Variants in PPP1R1C observed in about 807,000 individuals in gnomAD.
PPP1R1C encodes the protein protein phosphatase 1 regulatory inhibitor subunit 1C.
In PPP1R1C, 15 loss-of-function variants were observed where a neutral mutation model predicts 17.4. The ratio of observed to expected loss-of-function variants is 0.86; its 90% CI spans 0.58 to 1.33. The LOEUF (loss-of-function observed/expected upper bound fraction) is 1.33, where lower values mean the gene tolerates loss of function less well. PPP1R1C is among the 40% of genes most tolerant of loss of function. The pLI, the probability that PPP1R1C is intolerant of heterozygous loss-of-function variation, is 0.00. For synonymous variants in PPP1R1C, 35 were observed against 43.1 expected (o/e 0.81, Z 0.73); for missense variants, 143 against 130.0 (o/e 1.10, Z -0.48).
At chr2:181,972,224 A>G (rs1331664189) in intron 1 of PPP1R1C, among the ~76,000 whole-genome samples, 1 of 152,234 alleles carries the variant, frequency 6.6e-6, no homozygotes, top group Non-Finnish European at 1.5e-5. Flanking sequence ...AGTCATTTTT[A>G]GATATTCGAA....
At chr2:181,973,045 A>G (rs956662575) in intron 1 of PPP1R1C, among the ~76,000 whole-genome samples, 2 of 152,168 alleles carry the variant, frequency 1.3e-5, no homozygotes, top group Admixed American at 6.5e-5. Flanking sequence ...ACAGATGTAT[A>G]ACAGTTCAAA....
chr2:181,996,010 A>T (rs1445806737), intron 2 of PPP1R1C, among the ~76,000 whole-genome samples: 1 of 152,168 alleles, frequency 6.6e-6, no homozygotes, highest in Admixed American at 6.5e-5. Flanking sequence ...TACTTGGAGA[A>T]CACAAGCTCC....
At chr2:182,030,794 G>C (rs1389402509) in intron 2 of PPP1R1C, 7 of 158,660 alleles carry the variant, frequency 4.4e-5, no homozygotes. Flanking sequence ...GGGCAATGGC[G>C]GGTGCCCCTC....
At chr2:182,033,472 CTTCCT>C (rs1686906825) in intron 2 of PPP1R1C, among the ~76,000 whole-genome samples, 2 of 152,152 alleles carry the variant, frequency 1.3e-5, no homozygotes, top group Non-Finnish European at 2.9e-5. Flanking sequence ...GAATTTATGA[CTTCCT>C]TTAACTTTCC....
At chr2:181,982,258 A>G (rs912627702), upstream of PPP1R1C, among the ~76,000 whole-genome samples, 2 of 152,346 alleles carry the variant, frequency 1.3e-5, no homozygotes, top group Non-Finnish European at 2.9e-5. Context: ...AAACAGTCAT[A>G]AGAACTATGT....
chr2:182,001,190 A>C (rs1038885515), intron 2 of PPP1R1C, among the ~76,000 whole-genome samples: 5 of 152,208 alleles, frequency 3.3e-5, no homozygotes, highest in African/African-American at 4.8e-5. Context: ...AATGAATTTT[A>C]GTAGTAGAAG....
intron 2 of PPP1R1C, among the ~76,000 whole-genome samples, chr2:182,060,279 GT>G (rs953619110): frequency 6.4e-4 from 98 of 152,172 alleles, no homozygotes; most frequent in African/African-American, 2.2e-3. Context: ...TGTTTAGCCA[GT>G]TTGTTCTCTT....
chr2:182,112,886 A>C (rs1245212625), intron 4 of PPP1R1C, among the ~76,000 whole-genome samples: 1 of 152,188 alleles, frequency 6.6e-6, no homozygotes, highest in Non-Finnish European at 1.5e-5. Flanking sequence ...AAATAAAATA[A>C]ATCTATTTAC....
chr2:182,080,351 C>A (rs994859909), intron 4 of PPP1R1C, among the ~76,000 whole-genome samples: 1 of 152,198 alleles, frequency 6.6e-6, no homozygotes, highest in East Asian at 1.9e-4. Flanking sequence ...CACTATCCCC[C>A]ATTTGCTCAG....
intron 2 of PPP1R1C, among the ~76,000 whole-genome samples, chr2:182,014,600 C>G (rs1686202297): frequency 6.6e-6 from 1 of 151,292 alleles, no homozygotes; most frequent in Non-Finnish European, 1.5e-5. Flanking sequence ...AGTGGCGAAT[C>G]CAGCCAGGCT....
chr2:181,965,313 T>G (rs1684887483), intron 1 of PPP1R1C, among the ~76,000 whole-genome samples: 1 of 152,198 alleles, frequency 6.6e-6, no homozygotes, highest in African/African-American at 2.4e-5. Context: ...GTGATCCTAT[T>G]TATCCATTTT....
At chr2:182,022,818 G>C (rs965918182) in intron 2 of PPP1R1C, among the ~76,000 whole-genome samples, 7 of 152,142 alleles carry the variant, frequency 4.6e-5, no homozygotes, top group African/African-American at 1.4e-4. Flanking sequence ...CTAACAGGTG[G>C]AGTGAACCCT....
At chr2:182,126,390 C>T (rs1480696398) in intron 5 of PPP1R1C, among the ~76,000 whole-genome samples, 1 of 151,942 alleles carries the variant, frequency 6.6e-6, no homozygotes, top group East Asian at 1.9e-4. Flanking sequence ...CCATTAGTTG[C>T]ATTAATTAAT....
At chr2:182,095,448 G>A (rs921993777) in intron 4 of PPP1R1C, among the ~76,000 whole-genome samples, 41 of 152,246 alleles carry the variant, frequency 2.7e-4, no homozygotes, top group Admixed American at 6.5e-4. Context: ...CCATATGGTC[G>A]TCATTTACAA....
chr2:182,100,202 A>T (rs1280657962), intron 4 of PPP1R1C, among the ~76,000 whole-genome samples: 1 of 152,072 alleles, frequency 6.6e-6, no homozygotes, highest in Admixed American at 6.6e-5. Context: ...TCAAAAGGAG[A>T]TTCCAGGGAA....
At chr2:182,013,615 T>C (rs984459530) in intron 2 of PPP1R1C, among the ~76,000 whole-genome samples, 3 of 152,144 alleles carry the variant, frequency 2.0e-5, no homozygotes, top group Non-Finnish European at 4.4e-5. Flanking sequence ...TTGAATAAAC[T>C]TTCTATACCT....
At chr2:182,131,049 T>TA (rs1436929689), downstream of PPP1R1C, 1 of 152,204 alleles carries the variant, frequency 6.6e-6, no homozygotes, top group Non-Finnish European at 1.5e-5. Flanking sequence ...AGAACAGTGT[T>TA]AAAAAATAGA....
At chr2:182,003,075 T>C (rs947330091) in intron 2 of PPP1R1C, among the ~76,000 whole-genome samples, 33 of 151,956 alleles carry the variant, frequency 2.2e-4, no homozygotes, top group Admixed American at 1.4e-3. Context: ...TGCCAAACTA[T>C]CAACATATAG....
At chr2:182,118,897 AC>A (rs1689657739), downstream of PPP1R1C, among the ~76,000 whole-genome samples, 2 of 136,874 alleles carry the variant, frequency 1.5e-5, no homozygotes, top group African/African-American at 2.7e-5. Context: ...CCCTCCCATG[AC>A]TTTTTCTTTT....
Sources: gnomAD v4.1 joint callset for allele counts (sites outside exome capture counted in the v4.1 genomes callset) on GRCh38, gnomAD v4.1.1 for gene constraint, MANE v1.5 for transcripts, NCBI Gene and HGNC (gene_info 2026-07-23, HGNC 2026-07-21) for gene names.